Variants in MARCHF4 observed in about 807,000 individuals in gnomAD.
MARCHF4 encodes the protein membrane associated ring-CH-type finger 4.
MARCHF4 carries 14 observed loss-of-function variants against 43.9 expected under a neutral mutation model. The ratio of observed to expected loss-of-function variants is 0.32; its 90% CI spans 0.21 to 0.50. The LOEUF is 0.50. MARCHF4 is among the 20% of genes least tolerant of loss of function. MARCHF4 has a pLI of 0.98. For synonymous variants in MARCHF4, 226 were observed against 213.3 expected (o/e 1.06, Z -0.52); for missense variants, 468 against 536.7 (o/e 0.87, Z 1.27).
Position 216,370,343 on chromosome 2 carries a change from T to C in MARCHF4, c.-83A>G. 5.2e-6 allele frequency: 7 copies of C among 1,340,610 alleles called. No homozygotes were observed. Among genetic ancestry groups the C allele is most frequent in the Non-Finnish European group, 6.0e-6 (6 of 1,007,362 alleles). The allele number at this position is 1,340,610 out of a possible 1,614,324, so 83.0% of individuals were successfully genotyped here. On this transcript the variant is annotated 5_prime_UTR_variant, in exon 1 of 4. Transcript: ENST00000273067. ...CAGGACAGGTTTTGGGGGTCCACAG[T>C]GGATCTGTGTTGTGGGGGGAGTCTG...
chr2:216,350,516 C>T (rs1220140642), intron 1 of MARCHF4, among the ~76,000 whole-genome samples: 3 of 148,324 alleles, frequency 2.0e-5, no homozygotes, highest in Non-Finnish European at 4.5e-5. Flanking sequence ...ACCATCACCA[C>T]TGTGCCACAC....
chr2:216,362,481 A>G (rs1332732848), intron 1 of MARCHF4, among the ~76,000 whole-genome samples: 1 of 152,230 alleles, frequency 6.6e-6, no homozygotes, highest in Admixed American at 6.5e-5. Flanking sequence ...ATTCTATTCA[A>G]TCACATCCAA....
chr2:216,357,048 G>A (rs183031576), intron 1 of MARCHF4, among the ~76,000 whole-genome samples: 231 of 151,928 alleles, frequency 1.5e-3, no homozygotes, highest in African/African-American at 5.4e-3. Context: ...TATAAAGATA[G>A]CACAAAGATT....
intron 2 of MARCHF4, among the ~76,000 whole-genome samples, chr2:216,282,384 G>A (rs982683786): frequency 1.3e-5 from 2 of 151,936 alleles, no homozygotes; most frequent in Non-Finnish European, 2.9e-5. Flanking sequence ...ATAGCTGTGG[G>A]TGCTTCCAGC....
In MARCHF4 at chr2:216,348,131, CG is replaced by C. The variant is rs1692349288; in HGVS notation, c.516+21613del. Among the ~76,000 whole-genome samples the C allele has an allele frequency of 6.0e-5, 9 of 150,908 alleles. No individual in the cohort carries two copies. In the South Asian group the frequency reaches 1.9e-3, roughly 32 times the overall value. On this transcript the variant is annotated intron_variant, in intron 1 of 3. Coordinates refer to ENST00000273067, the MANE Select transcript of MARCHF4 (RefSeq NM_020814.3). ...CAGCTCACTGAAACCTCCGCCTCCCCGGTTCAAGTGATTCTCCTGCCTCAGC... is the reference window on the plus strand; with the variant it reads ...CAGCTCACTGAAACCTCCGCCTCCCCGTTCAAGTGATTCTCCTGCCTCAGC...
chr2:216,288,981 C>G (rs546776357), intron 1 of MARCHF4, among the ~76,000 whole-genome samples: 19 of 150,830 alleles, frequency 1.3e-4, no homozygotes, highest in Admixed American at 6.6e-4. Flanking sequence ...CCTCATCAGC[C>G]TCCAGATGAC....
intron 1 of MARCHF4, among the ~76,000 whole-genome samples, chr2:216,350,514 C>T (rs1352962526): frequency 1.3e-5 from 2 of 148,226 alleles, no homozygotes; most frequent in African/African-American, 4.9e-5. Context: ...ACACCATCAC[C>T]ACTGTGCCAC....
At chr2:216,267,610 A>G (rs1690866595) in intron 3 of MARCHF4, among the ~76,000 whole-genome samples, 1 of 152,202 alleles carries the variant, frequency 6.6e-6, no homozygotes. Flanking sequence ...CCTAACTAAC[A>G]TACCTATAGC....
intron 1 of MARCHF4, among the ~76,000 whole-genome samples, chr2:216,335,885 T>A (rs1246402325): frequency 4.6e-5 from 7 of 151,748 alleles, no homozygotes; most frequent in Non-Finnish European, 8.8e-5. Flanking sequence ...CTGGCCAACA[T>A]GTTGAAACCC....
At position 216,369,793 on chromosome 2, in the gene MARCHF4, A is replaced by G. The variant is rs755739294; in HGVS notation, c.468T>C (p.Ser156=). The G allele has an allele frequency of 3.3e-5, 53 of 1,611,990 alleles. No homozygotes were observed. Among genetic ancestry groups the G allele is most frequent in the Non-Finnish European group, 4.2e-5 (50 of 1,178,970 alleles). Residue 156 remains serine (S), a synonymous_variant, in exon 1 of 4, where the codon AGT becomes AGC. Coordinates refer to ENST00000273067, the MANE Select transcript of MARCHF4 (RefSeq NM_020814.3). ...DRYSLGSSLD[S]GMRTPLCRIC... ...TGCGGCAGAGTGGGGTCCTCATACC[A>G]CTGTCCAAGCTGCTGCCCAGTGAGT...
chr2:216,336,614 A>G (rs780417903), intron 1 of MARCHF4, among the ~76,000 whole-genome samples: 1 of 151,964 alleles, frequency 6.6e-6, no homozygotes, highest in Non-Finnish European at 1.5e-5. Flanking sequence ...CTATCTTCCT[A>G]ACTGGCTATT....
intron 1 of MARCHF4, among the ~76,000 whole-genome samples, chr2:216,309,840 T>A (rs1185496520): frequency 4.0e-5 from 6 of 149,306 alleles, no homozygotes. Flanking sequence ...TAATTATTAT[T>A]TTGCATGATG....
At chr2:216,358,903 G>C (rs1241439700) in intron 1 of MARCHF4, among the ~76,000 whole-genome samples, 1 of 152,180 alleles carries the variant, frequency 6.6e-6, no homozygotes, top group Non-Finnish European at 1.5e-5. Context: ...ATAGAGCTGT[G>C]TACCATCTGT....
At chr2:216,285,011 C>A (rs1032814802) in intron 1 of MARCHF4, among the ~76,000 whole-genome samples, 2 of 152,134 alleles carry the variant, frequency 1.3e-5, no homozygotes, top group African/African-American at 4.8e-5. Context: ...CTTGGCACAT[C>A]ATTATGAGGA....
Position 216,277,780 on chromosome 2 carries a change from A to G in MARCHF4, c.757T>C (p.Ser253Pro). 1.2e-6 allele frequency: 2 copies of G among 1,614,230 alleles called. No homozygotes were observed. Among genetic ancestry groups the G allele is most frequent in the Non-Finnish European group, 1.7e-6 (2 of 1,180,036 alleles). Reference protein sequence around the residue: ...LGSLFLIASISWLIWSTFSPS... With the variant: ...LGSLFLIASIPWLIWSTFSPS... ...CTGAAAGTTGACCAGATGAGCCAAG[A>G]AATACTGGCGATGAGGAAGAGGGAG... The change falls in exon 3 of 4, where the codon TCT becomes CCT. Residue 253 changes from serine (S) to proline (P), a missense_variant. By Grantham distance (74) the Ser-to-Pro change is moderately conservative. This residue lies in a region of MARCHF4 where 158 missense variants were observed against 251.1 expected (regional missense o/e 0.63). Transcript: ENST00000273067.
intron 1 of MARCHF4, among the ~76,000 whole-genome samples, chr2:216,330,048 T>A (rs1375542237): frequency 2.6e-5 from 4 of 151,870 alleles, no homozygotes; most frequent in Admixed American, 6.6e-5. Flanking sequence ...CAGTGAGCTC[T>A]GATCACTGTA....
intron 2 of MARCHF4, among the ~76,000 whole-genome samples, chr2:216,282,224 C>A (rs1169160297): frequency 1.3e-5 from 2 of 152,096 alleles, no homozygotes. Flanking sequence ...GGCTAAGGTG[C>A]CTGGGGCTTT....
chr2:216,369,140 G>A (rs1231986756), intron 1 of MARCHF4, among the ~76,000 whole-genome samples: 1 of 152,166 alleles, frequency 6.6e-6, no homozygotes, highest in Non-Finnish European at 1.5e-5. Flanking sequence ...AGTCTGCCAA[G>A]AAGTGTCTCA....
chr2:216,310,189 C>T (rs1691661733), intron 1 of MARCHF4, among the ~76,000 whole-genome samples: 1 of 152,224 alleles, frequency 6.6e-6, no homozygotes, highest in Admixed American at 6.5e-5. Context: ...GCCTTGACTC[C>T]AGTGATGAGT....
Sources: allele counts gnomAD v4.1 joint callset (sites outside exome capture counted in the v4.1 genomes callset), GRCh38; gene constraint gnomAD v4.1.1; regional missense constraint gnomAD v4.1.1; transcripts MANE v1.5; gene names NCBI Gene and HGNC (gene_info 2026-07-23, HGNC 2026-07-21).